WWP1: variants seen among roughly 807,000 people sequenced by gnomAD.
WWP1 encodes WW domain containing E3 ubiquitin protein ligase 1, also known as NEDD4-like E3 ubiquitin-protein ligase WWP1.
WWP1 carries 49 observed loss-of-function variants against 130.6 expected under a neutral mutation model. The ratio of observed to expected loss-of-function variants is 0.38; its 90% CI spans 0.30 to 0.48. The LOEUF (loss-of-function observed/expected upper bound fraction) is 0.48. Ranked by LOEUF, WWP1 falls within the 20% of genes least tolerant of loss-of-function variation. WWP1 has a pLI of 0.99. For missense variants in WWP1, 809 were observed against 1,100.6 expected, an observed-to-expected ratio of 0.74 and a Z score of 3.75; for synonymous variants, 332 against 367.8, an observed-to-expected ratio of 0.90 and a Z score of 1.11.
At chr8:86,450,587 A>G (rs1811124684) in intron 20 of WWP1, among the ~76,000 whole-genome samples, 1 of 152,244 alleles carries the variant, frequency 6.6e-6, no homozygotes, top group Admixed American at 6.5e-5. Context: ...CTGTAAAGTT[A>G]AGCACTGTTT....
rs544707617 is a variant in WWP1 at position 86,467,118 on chromosome 8, T to C, written c.*225T>C. ...CCAGGAAAAAGATCATCCTTAAATTTTGAAGCAAGTGAGAGACTTTATTAA... is the reference window on the plus strand; with the variant it reads ...CCAGGAAAAAGATCATCCTTAAATTCTGAAGCAAGTGAGAGACTTTATTAA... On this transcript the variant is annotated 3_prime_UTR_variant, in exon 25 of 25. Coordinates refer to ENST00000517970, the MANE Select transcript of WWP1 (RefSeq NM_007013.4). 22 of 403,710 alleles carry C rather than the reference T, an allele frequency of 5.4e-5. No individual in the cohort carries two copies. Among genetic ancestry groups the C allele is most frequent in the Middle Eastern group, 6.6e-4 (1 of 1,520 alleles). 25.0% of individuals were successfully genotyped at this position (403,710 alleles called of 1,614,324 possible). A position where few individuals can be genotyped will look rare whatever the true frequency, so the allele number is the denominator to read the frequency against.
At position 86,435,683 on chromosome 8, in the gene WWP1, G is replaced by C; in HGVS notation, c.1728G>C (p.Leu576Phe). Reference sequence around the variant, plus strand: ...AGATCAATGTGTCCCGGCAGACATTGTTTGAAGATTCCTTCCAACAGGTAA... The same window carrying C: ...AGATCAATGTGTCCCGGCAGACATTCTTTGAAGATTCCTTCCAACAGGTAA... ...HVKINVSRQT[L>F]FEDSFQQIMA... Residue 576 changes from leucine (L) to phenylalanine (F), a missense_variant, in exon 16 of 25, where the codon TTG becomes TTC. Leu to Phe is a conservative substitution (Grantham distance 22, BLOSUM62 0). This residue lies in a region of WWP1 where 450 missense variants were observed against 674.2 expected (regional missense o/e 0.67). Coordinates refer to ENST00000517970, the MANE Select transcript of WWP1 (RefSeq NM_007013.4). The C allele has an allele frequency of 6.2e-7, 1 of 1,612,312 alleles. No homozygotes were observed. The highest frequency in any genetic ancestry group is 8.5e-7 in the Non-Finnish European group (1 of 1,179,730).
intron 9 of WWP1, among the ~76,000 whole-genome samples, 199 bp from the exon 10 acceptor site, chr8:86,425,021 TAAG>T (rs1393303021): frequency 3.3e-5 from 5 of 151,836 alleles, no homozygotes; most frequent in Admixed American, 6.6e-5. Flanking sequence ...AGGGAATAAT[TAAG>T]AGGTTAAAAA....
chr8:86,424,387 A>G (rs540279853), intron 9 of WWP1, among the ~76,000 whole-genome samples: 4 of 151,988 alleles, frequency 2.6e-5, no homozygotes, highest in African/African-American at 9.6e-5. Flanking sequence ...GACGCTCCTC[A>G]CTTCCCAGAC....
chr8:86,372,136 G>T (rs919688704), intron 2 of WWP1, among the ~76,000 whole-genome samples: 1 of 142,848 alleles, frequency 7.0e-6, no homozygotes, highest in Admixed American at 7.4e-5. Context: ...CCATTCTCCT[G>T]CCTCAGCCTC....
intron 1 of WWP1, among the ~76,000 whole-genome samples, chr8:86,352,035 A>C (rs559974702): frequency 8.1e-6 from 1 of 124,006 alleles, no homozygotes; most frequent in Admixed American, 8.4e-5. Context: ...TAGCTAAAAT[A>C]TTCCTTTTTT....
chr8:86,349,994 C>T (rs149377656), intron 1 of WWP1, among the ~76,000 whole-genome samples: 6 of 152,140 alleles, frequency 3.9e-5, no homozygotes, highest in South Asian at 4.2e-4. Flanking sequence ...CTGTCCCCCA[C>T]GCGCTCCAAG....
chr8:86,362,838 T>G (rs1482605981), intron 1 of WWP1, among the ~76,000 whole-genome samples: 1 of 152,174 alleles, frequency 6.6e-6, no homozygotes, highest in African/African-American at 2.4e-5. Context: ...GATTAGTATC[T>G]CAAAAGCACC....
chr8:86,465,419 T>C (rs73273136), intron 24 of WWP1, among the ~76,000 whole-genome samples: 1 of 151,922 alleles, frequency 6.6e-6, no homozygotes, highest in East Asian at 1.9e-4. Flanking sequence ...GTAGAAATGA[T>C]GAGGAGGAGC....
At chr8:86,426,959 G>A (rs549358508) in intron 10 of WWP1, among the ~76,000 whole-genome samples, 2 of 152,132 alleles carry the variant, frequency 1.3e-5, no homozygotes, top group South Asian at 2.1e-4. Flanking sequence ...TCAGGAGTTC[G>A]AGACCATCCT....
At chr8:86,459,235 C>G (rs765599777) in intron 22 of WWP1, among the ~76,000 whole-genome samples, 29 of 151,022 alleles carry the variant, frequency 1.9e-4, no homozygotes, top group Non-Finnish European at 3.1e-4. Context: ...GGGGTTTCAC[C>G]ATGTTGGCCA....
chr8:86,374,883 A>G (rs943834592), intron 3 of WWP1, among the ~76,000 whole-genome samples: 1 of 151,928 alleles, frequency 6.6e-6, no homozygotes, highest in African/African-American at 2.4e-5. Flanking sequence ...CTAATTTAAA[A>G]AAAAATTTTT....
chr8:86,380,906 G>A (rs767878132), intron 4 of WWP1, 42 bp downstream of exon 4: 7 of 1,533,596 alleles, frequency 4.6e-6, no homozygotes, highest in South Asian at 1.3e-5. Flanking sequence ...TCACAAGAAA[G>A]TGTATTTTTT....
At chr8:86,391,957 A>G (rs1228293937) in intron 5 of WWP1, among the ~76,000 whole-genome samples, 1 of 152,224 alleles carries the variant, frequency 6.6e-6, no homozygotes, top group Admixed American at 6.5e-5. Flanking sequence ...CGTTTTTAGT[A>G]AATGCTCTAA....
chr8:86,400,346 T>C (rs1807905457), intron 7 of WWP1, among the ~76,000 whole-genome samples: 1 of 151,000 alleles, frequency 6.6e-6, no homozygotes. Flanking sequence ...GGGAAAAAAA[T>C]AAATAAATAA....
intron 17 of WWP1, among the ~76,000 whole-genome samples, chr8:86,439,443 C>G (rs1430534916): frequency 6.6e-6 from 1 of 152,074 alleles, no homozygotes; most frequent in Admixed American, 6.6e-5. Context: ...ATTCCCCCAA[C>G]CTTGGTCTCC....
intron 5 of WWP1, among the ~76,000 whole-genome samples, chr8:86,383,153 G>C (rs941001064): frequency 2.0e-5 from 3 of 148,602 alleles, no homozygotes; most frequent in Admixed American, 6.7e-5. Flanking sequence ...TTAAAGCATT[G>C]TAAGTTTGAT....
rs143731208 is a variant in WWP1 at position 86,373,824 on chromosome 8, T to C, written c.-21-206T>C. ...GCATATCCAGGGCAACATTCTAATG[T>C]TTATTTTTATTTTTGCTTACTACTC... On this transcript the variant is annotated intron_variant, in intron 2 of 24. Transcript: ENST00000517970. Among the ~76,000 whole-genome samples, 310 of 152,302 alleles carry C rather than the reference T, an allele frequency of 2.0e-3. 4 individuals are homozygous for C. The highest frequency in any genetic ancestry group is 7.0e-3 in the African/African-American group (293 of 41,568).
At chr8:86,343,746 A>T (rs1413180990) in intron 1 of WWP1, among the ~76,000 whole-genome samples, 1 of 152,000 alleles carries the variant, frequency 6.6e-6, no homozygotes. Flanking sequence ...AGAATAAAAT[A>T]TTTTCCAGGG....
Sources: gnomAD v4.1 joint callset for allele counts (sites outside exome capture counted in the v4.1 genomes callset) on GRCh38, gnomAD v4.1.1 for gene constraint, gnomAD v4.1.1 regional missense constraint, MANE v1.5 for transcripts, NCBI Gene and HGNC (gene_info 2026-07-23, HGNC 2026-07-21) for gene names.